The following DPYSL3 variants were observed in gnomAD, a reference collection of about 807,000 sequenced individuals.
DPYSL3 encodes the protein dihydropyrimidinase-related protein 3.
In DPYSL3, 16 loss-of-function variants were observed where a neutral mutation model predicts 66.1. That is an observed-to-expected ratio of 0.24 (90% CI 0.16 to 0.37). The LOEUF (loss-of-function observed/expected upper bound fraction) is 0.37, where lower values mean the gene tolerates loss of function less well. DPYSL3 is among the 10% of genes least tolerant of loss of function. The probability of loss-of-function intolerance (pLI) is 1.00; values close to 1 mark genes in which losing one functional copy is unlikely to be tolerated. For synonymous variants in DPYSL3, 338 were observed against 345.1 expected (o/e 0.98, Z 0.23); for missense variants, 738 against 916.2 (o/e 0.81, Z 2.51).
chr5:147,488,786 G>A (rs1180726638), intron 1 of DPYSL3, among the ~76,000 whole-genome samples: 2 of 152,098 alleles, frequency 1.3e-5, no homozygotes, highest in Non-Finnish European at 2.9e-5. Context: ...AGGCCAAGGT[G>A]TGTGGATCAC....
In DPYSL3 at chr5:147,393,816, G is replaced by A. The variant is rs1023565823; in HGVS notation, c.*219C>T. On this transcript the variant is annotated 3_prime_UTR_variant, in exon 14 of 14. Coordinates refer to ENST00000343218, the MANE Select transcript of DPYSL3 (RefSeq NM_001197294.2). ...TTGCATGCATGTAAATGGGGGGAGGGGAGTCAAACAAATCAAGGCTATGCA... is the reference window on the plus strand; with the variant it reads ...TTGCATGCATGTAAATGGGGGGAGGAGAGTCAAACAAATCAAGGCTATGCA... 1.8e-6 allele frequency: 1 copy of A among 564,770 alleles called. No individual in the cohort carries two copies. Among genetic ancestry groups the A allele is most frequent in the Non-Finnish European group, 3.2e-6 (1 of 316,678 alleles). The allele number at this position is 564,770 out of a possible 1,614,324, so 35.0% of individuals were successfully genotyped here.
chr5:147,427,309 A>G (rs1247079573), intron 1 of DPYSL3, among the ~76,000 whole-genome samples: 1 of 151,832 alleles, frequency 6.6e-6, no homozygotes, highest in Non-Finnish European at 1.5e-5. Flanking sequence ...TAAACCAAAG[A>G]CTCCTTTAGT....
intron 3 of DPYSL3, among the ~76,000 whole-genome samples, chr5:147,416,428 C>T (rs1337036964): frequency 6.6e-6 from 1 of 152,128 alleles, no homozygotes; most frequent in African/African-American, 2.4e-5. Flanking sequence ...ATACTGGGCC[C>T]GCAGATCTTA....
At chr5:147,472,136 C>T (rs957558834) in intron 1 of DPYSL3, among the ~76,000 whole-genome samples, 9 of 152,142 alleles carry the variant, frequency 5.9e-5, no homozygotes, top group East Asian at 1.9e-4. Context: ...TATAGAGCTC[C>T]GACTTCTAAT....
chr5:147,486,029 A>G (rs1561803311), intron 1 of DPYSL3, among the ~76,000 whole-genome samples: 1 of 152,206 alleles, frequency 6.6e-6, no homozygotes, highest in Non-Finnish European at 1.5e-5. Context: ...ATAAAAAGGA[A>G]AGAAGTACTG....
chr5:147,465,974 C>A (rs923447882), intron 1 of DPYSL3, among the ~76,000 whole-genome samples: 14 of 152,174 alleles, frequency 9.2e-5, no homozygotes, highest in African/African-American at 3.4e-4. Flanking sequence ...ACTCAGCCAA[C>A]AACAGTGAGA....
At chr5:147,438,280 T>C (rs1752450856) in intron 1 of DPYSL3, among the ~76,000 whole-genome samples, 1 of 152,224 alleles carries the variant, frequency 6.6e-6, no homozygotes, top group African/African-American at 2.4e-5. Context: ...CTTCAAGTTG[T>C]ATTGATAGAT....
At chr5:147,507,956 C>T (rs755572505) in intron 1 of DPYSL3, among the ~76,000 whole-genome samples, 6 of 152,170 alleles carry the variant, frequency 3.9e-5, no homozygotes, top group Admixed American at 1.3e-4. Context: ...TCACTACTCC[C>T]GCCCGTTCCA....
chr5:147,425,210 TA>T lies in DPYSL3; in HGVS notation c.382-248del, dbSNP rs1361200768. On this transcript the variant is annotated intron_variant, in intron 1 of 13. Transcript: ENST00000343218. ...TTGCTTCTGCAATGTATTAATATTA[TA>T]GCCACCTGGAAACATATCTACTCAA... Among the ~76,000 whole-genome samples the T allele has an allele frequency of 9.9e-5, 15 of 152,246 alleles. 1 individual carries two copies. The East Asian group carries it at 2.5e-3, about 25-fold the overall frequency.
Position 147,413,642 on chromosome 5 carries a change from A to G in DPYSL3, c.836T>C (p.Met279Thr), listed in dbSNP as rs1368258730. 3.7e-6 allele frequency: 6 copies of G among 1,612,806 alleles called. No homozygotes were observed. The highest frequency in any genetic ancestry group is 1.7e-5 in the Admixed American group (1 of 59,924). ...CAAATCCTTATAAGCCATATAAACC[A>G]TGAAGGAGTTAACCCCTGCAAAAGA... The part of the protein sequence containing the change: ...LIKDKGVNSF[M>T]VYMAYKDLYQ... The change falls in exon 5 of 14, where the codon ATG (methionine) becomes ACG (threonine). Residue 279 changes from methionine to threonine, a missense_variant. By Grantham distance (81) the Met-to-Thr change is moderately conservative. Coordinates refer to ENST00000343218, the MANE Select transcript of DPYSL3 (RefSeq NM_001197294.2).
chr5:147,500,595 C>G (rs531628176), intron 1 of DPYSL3, among the ~76,000 whole-genome samples: 1 of 136,478 alleles, frequency 7.3e-6, no homozygotes, highest in African/African-American at 2.8e-5. Flanking sequence ...GCCTGGGCAA[C>G]AGAGTGAGAC....
At chr5:147,404,384 T>G (rs3792840) in intron 8 of DPYSL3, among the ~76,000 whole-genome samples, 21,808 of 152,186 alleles carry the variant, frequency 0.14, 4,444 homozygotes, top group African/African-American at 0.45. Context: ...AGGCCAGGCA[T>G]CTGAACACTC....
intron 1 of DPYSL3, among the ~76,000 whole-genome samples, chr5:147,455,254 T>C (rs1292251364): frequency 3.3e-5 from 5 of 152,200 alleles, no homozygotes; most frequent in Non-Finnish European, 7.3e-5. Context: ...ACTGGTCACA[T>C]AATCCAAGGA....
chr5:147,422,672 TA>T (rs983798265), intron 2 of DPYSL3, among the ~76,000 whole-genome samples: 3 of 150,468 alleles, frequency 2.0e-5, no homozygotes, highest in South Asian at 2.1e-4. Flanking sequence ...TATGCAGCCA[TA>T]AAAAAAAAGA....
intron 1 of DPYSL3, among the ~76,000 whole-genome samples, chr5:147,434,071 T>A (rs1220268771): frequency 6.6e-6 from 1 of 151,436 alleles, no homozygotes; most frequent in East Asian, 1.9e-4. Context: ...ATTACACATA[T>A]TACTACTGCT....
At chr5:147,440,964 T>C (rs1048488465) in intron 1 of DPYSL3, among the ~76,000 whole-genome samples, 1 of 152,160 alleles carries the variant, frequency 6.6e-6, no homozygotes, top group African/African-American at 2.4e-5. Flanking sequence ...ATTTCCCCAT[T>C]TGTAAAGTGG....
Position 147,393,393 on chromosome 5 carries a change from A to C in DPYSL3, c.*642T>G, listed in dbSNP as rs577431475. ...ATGGTTGGGTCTTGGCATTTTAATA[A>C]ACGTTCAAAGAAACAAAATTTACTT... is the stretch of plus-strand genomic sequence containing the variant. On this transcript the variant is annotated 3_prime_UTR_variant, in exon 14 of 14. Transcript: ENST00000343218. 6.6e-6 allele frequency: 1 copy of C among 152,448 alleles called. No homozygotes were observed. The highest frequency in any genetic ancestry group is 1.9e-4 in the East Asian group (1 of 5,176). The allele number at this position is 152,448 out of a possible 1,614,324, so 9.4% of individuals were successfully genotyped here. A position where few individuals can be genotyped will look rare whatever the true frequency, so the allele number is the denominator to read the frequency against.
At chr5:147,481,555 T>G (rs572777742) in intron 1 of DPYSL3, among the ~76,000 whole-genome samples, 1 of 152,208 alleles carries the variant, frequency 6.6e-6, no homozygotes, top group Non-Finnish European at 1.5e-5. Flanking sequence ...GCAAAAGGCT[T>G]GCTGTGGTTT....
chr5:147,484,727 G>A (rs185932476), intron 1 of DPYSL3, among the ~76,000 whole-genome samples: 7 of 152,258 alleles, frequency 4.6e-5, no homozygotes, highest in South Asian at 2.1e-4. Context: ...TCAGATAACC[G>A]AATGCTTCAA....
Sources: allele counts gnomAD v4.1 joint callset (sites outside exome capture counted in the v4.1 genomes callset), GRCh38; gene constraint gnomAD v4.1.1; transcripts MANE v1.5; gene names NCBI Gene and HGNC (gene_info 2026-07-23, HGNC 2026-07-21).